Variants in TBC1D23 observed in about 807,000 individuals in gnomAD.
TBC1D23 encodes HCV non-structural protein 4A-transactivated protein 1.
Under a neutral mutation model 91.4 loss-of-function variants are expected in TBC1D23, and 55 were observed. The ratio of observed to expected loss-of-function variants is 0.60; its 90% CI spans 0.48 to 0.75. TBC1D23 has a LOEUF of 0.75. Among genes scored for constraint, TBC1D23 ranks in the 30% least tolerant of loss-of-function variants. The pLI is 0.00. For missense variants in TBC1D23, 725 were observed against 836.1 expected, an observed-to-expected ratio of 0.87 and a Z score of 1.64; for synonymous variants, 289 against 281.0, an observed-to-expected ratio of 1.03 and a Z score of -0.28.
chr3:100,279,602 A>G, intron 1 of TBC1D23, 47 bp from the exon 2 acceptor site: 2 of 1,264,376 alleles, frequency 1.6e-6, no homozygotes, highest in Non-Finnish European at 2.2e-6. Context: ...TGAATAAGAA[A>G]AAGTATGAGA....
At chr3:100,280,886 A>T (rs1232402782) in intron 2 of TBC1D23, among the ~76,000 whole-genome samples, 1 of 152,202 alleles carries the variant, frequency 6.6e-6, no homozygotes, top group Admixed American at 6.5e-5. Context: ...CTGGCTGGGT[A>T]CAGTGGCTCA....
chr3:100,297,329 A>T (rs904834932), intron 8 of TBC1D23, among the ~76,000 whole-genome samples: 1 of 152,210 alleles, frequency 6.6e-6, no homozygotes, highest in Non-Finnish European at 1.5e-5. Flanking sequence ...AAAAATAACT[A>T]ATTTAAAAAG....
At chr3:100,293,187 G>A (rs560853603) in intron 5 of TBC1D23, among the ~76,000 whole-genome samples, 7 of 152,164 alleles carry the variant, frequency 4.6e-5, no homozygotes, top group African/African-American at 1.4e-4. Context: ...AGACTGGAGT[G>A]CAGTGGCATG....
At chr3:100,299,862 GCTTA>G (rs1161776220) in intron 10 of TBC1D23, among the ~76,000 whole-genome samples, 2 of 152,134 alleles carry the variant, frequency 1.3e-5, no homozygotes, top group Non-Finnish European at 2.9e-5. Flanking sequence ...GCTCACTATG[GCTTA>G]CTATCGCTTA....
intron 10 of TBC1D23, 69 bp downstream of exon 10, chr3:100,299,400 A>G (rs1705377123): frequency 2.1e-6 from 2 of 933,354 alleles, no homozygotes; most frequent in South Asian, 3.2e-5. Context: ...ATAAATATAT[A>G]GGTCCCAGAT....
At chr3:100,273,794 G>A (rs1195384070) in intron 1 of TBC1D23, among the ~76,000 whole-genome samples, 2 of 152,126 alleles carry the variant, frequency 1.3e-5, no homozygotes, top group East Asian at 3.9e-4. Context: ...AAATGGTGCT[G>A]GGATAACTGG....
intron 5 of TBC1D23, among the ~76,000 whole-genome samples, chr3:100,292,342 A>G (rs1185382835): frequency 1.3e-5 from 2 of 152,110 alleles, no homozygotes; most frequent in East Asian, 3.9e-4. Flanking sequence ...TTTATTATGT[A>G]TTACTTAACT....
At chr3:100,308,524 T>G (rs1705559222) in intron 13 of TBC1D23, among the ~76,000 whole-genome samples, 1 of 152,116 alleles carries the variant, frequency 6.6e-6, no homozygotes, top group Admixed American at 6.5e-5. Flanking sequence ...TTTAGCATCA[T>G]ATGTAAATAA....
At chr3:100,291,864 T>TC (rs2067794287) in intron 5 of TBC1D23, among the ~76,000 whole-genome samples, 1 of 150,880 alleles carries the variant, frequency 6.6e-6, no homozygotes, top group African/African-American at 2.4e-5. Flanking sequence ...GCTCCCAGGT[T>TC]AAGCGATTCT....
chr3:100,302,235 C>A lies in TBC1D23; in HGVS notation c.1261C>A (p.Gln421Lys), dbSNP rs1318425732. 1 of 1,608,742 alleles carries A rather than the reference C, an allele frequency of 6.2e-7. No homozygotes were observed. Among genetic ancestry groups the A allele is most frequent in the Non-Finnish European group, 8.5e-7 (1 of 1,177,904 alleles). Reference sequence around the variant, plus strand: ...GAACATGGTCCTGGCACACTTTTTACAGGTATGCTGACATAAATTATTTCA... The same window carrying A: ...GAACATGGTCCTGGCACACTTTTTAAAGGTATGCTGACATAAATTATTTCA... ...YMNMVLAHFL[Q>K]KNKEYVSIAS... The change falls in exon 11 of 19, where the codon CAG (glutamine) becomes AAG (lysine). Residue 421 changes from glutamine to lysine, a missense_variant and splice_region_variant. Gln to Lys is a moderately conservative substitution (Grantham distance 53). Transcript: ENST00000394144.
chr3:100,301,836 T>C, intron 10 of TBC1D23: 1 of 419,540 alleles, frequency 2.4e-6, no homozygotes, highest in Non-Finnish European at 4.1e-6. Flanking sequence ...GAGAATTATT[T>C]TCTTTGCATC....
chr3:100,312,717 T>C (rs1705646910), intron 15 of TBC1D23, among the ~76,000 whole-genome samples: 1 of 151,778 alleles, frequency 6.6e-6, no homozygotes, highest in Non-Finnish European at 1.5e-5. Flanking sequence ...AAATCCTAAG[T>C]GGGCCAGAAA....
At chr3:100,271,597 A>G (rs1303691246) in intron 1 of TBC1D23, among the ~76,000 whole-genome samples, 1 of 152,170 alleles carries the variant, frequency 6.6e-6, no homozygotes, top group Non-Finnish European at 1.5e-5. Flanking sequence ...TAAGTTGCTT[A>G]TGTTTGTTTG....
rs773272306 is a variant in TBC1D23, at chr3:100,304,842, A to T, written c.1264-4A>T. On this transcript the variant is annotated splice_polypyrimidine_tract_variant and splice_region_variant and intron_variant, in intron 11 of 18. Coordinates refer to ENST00000394144, the MANE Select transcript of TBC1D23 (RefSeq NM_001199198.3). ...AAGAATTTAAATTTTCTTTTCCATTACAGAAAAACAAAGAATATGTGAGTA... is the reference window on the plus strand; with the variant it reads ...AAGAATTTAAATTTTCTTTTCCATTTCAGAAAAACAAAGAATATGTGAGTA... 4 of 1,451,544 alleles carry T rather than the reference A, an allele frequency of 2.8e-6. No individual in the cohort carries two copies. The South Asian group carries it at 4.6e-5, about 17-fold the overall frequency. The allele number at this position is 1,451,544 out of a possible 1,614,324, so 89.9% of individuals were successfully genotyped here.
chr3:100,308,250 C>T (rs772013673), intron 13 of TBC1D23, among the ~76,000 whole-genome samples: 16 of 152,042 alleles, frequency 1.1e-4, no homozygotes, highest in Non-Finnish European at 2.1e-4. Flanking sequence ...CTGAGGCGGG[C>T]AGATCACGAG....
chr3:100,275,983 C>T (rs924206979), intron 1 of TBC1D23, among the ~76,000 whole-genome samples: 17 of 150,992 alleles, frequency 1.1e-4, no homozygotes, highest in South Asian at 2.1e-4. Context: ...AGTAAATCAG[C>T]GGTTGGCAGA....
chr3:100,274,989 A>G (rs1412305924), intron 1 of TBC1D23, among the ~76,000 whole-genome samples: 1 of 149,982 alleles, frequency 6.7e-6, no homozygotes, highest in African/African-American at 2.4e-5. Flanking sequence ...TGCTGTGAAC[A>G]TGTGTATACA....
At chr3:100,294,819 G>C (rs1445977676) in intron 5 of TBC1D23, among the ~76,000 whole-genome samples, 2 of 152,036 alleles carry the variant, frequency 1.3e-5, no homozygotes, top group East Asian at 3.8e-4. Flanking sequence ...GTAGAAGATG[G>C]GTAGCATTAT....
intron 5 of TBC1D23, among the ~76,000 whole-genome samples, chr3:100,294,521 A>G (rs1242302408): frequency 6.6e-6 from 1 of 152,106 alleles, no homozygotes; most frequent in Non-Finnish European, 1.5e-5. Context: ...TTGGCCTCCT[A>G]AAGTGTTGGG....
Sources: gnomAD v4.1 joint callset for allele counts (sites outside exome capture counted in the v4.1 genomes callset) on GRCh38, gnomAD v4.1.1 for gene constraint, MANE v1.5 for transcripts, NCBI Gene and HGNC (gene_info 2026-07-23, HGNC 2026-07-21) for gene names.